TRIM27: variants seen among roughly 807,000 people sequenced by gnomAD.
The protein encoded by TRIM27 is zinc finger protein RFP.
TRIM27 carries 12 observed loss-of-function variants against 57.6 expected under a neutral mutation model. The ratio of observed to expected loss-of-function variants is 0.21; its 90% CI spans 0.13 to 0.34. TRIM27 has a LOEUF of 0.34. Ranked by LOEUF, TRIM27 falls within the 10% of genes least tolerant of loss-of-function variation. The pLI is 1.00. For missense variants in TRIM27, 403 were observed against 656.8 expected, an observed-to-expected ratio of 0.61 and a Z score of 4.22; for synonymous variants, 266 against 259.0, an observed-to-expected ratio of 1.03 and a Z score of -0.26.
At chr6:28,911,537 T>A in intron 4 of TRIM27, 159 bp downstream of exon 4, 1 of 705,560 alleles carries the variant, frequency 1.4e-6, no homozygotes, top group Non-Finnish European at 2.3e-6. Flanking sequence ...AGAGCTGTGG[T>A]TCATCTAATT....
chr6:28,907,341 C>T (rs1423398405), intron 6 of TRIM27, 79 bp from the exon 7 acceptor site: 2 of 1,425,474 alleles, frequency 1.4e-6, no homozygotes, highest in Non-Finnish European at 2.0e-6. Flanking sequence ...TTTGGTTAGT[C>T]ATCATAAAGC....
At chr6:28,912,366 T>G (rs1034970467) in intron 3 of TRIM27, among the ~76,000 whole-genome samples, 4 of 152,116 alleles carry the variant, frequency 2.6e-5, no homozygotes, top group Admixed American at 1.3e-4. Flanking sequence ...CACCTCGGCC[T>G]CTCAAAGTGC....
At chr6:28,912,816 CAT>C (rs1161609128) in intron 3 of TRIM27, among the ~76,000 whole-genome samples, 11 of 152,100 alleles carry the variant, frequency 7.2e-5, no homozygotes, top group Non-Finnish European at 1.2e-4. Context: ...ACGTAACAGA[CAT>C]ATATATTTTG....
chr6:28,914,375 T>A (rs1237609289), intron 3 of TRIM27, among the ~76,000 whole-genome samples: 1 of 151,972 alleles, frequency 6.6e-6, no homozygotes, highest in Non-Finnish European at 1.5e-5. Flanking sequence ...CCTAATGTGA[T>A]CCACCTGCCT....
chr6:28,913,263 A>ATAT (rs1326537574), intron 3 of TRIM27, among the ~76,000 whole-genome samples: 3 of 138,908 alleles, frequency 2.2e-5, no homozygotes, highest in African/African-American at 8.6e-5. Flanking sequence ...CTCAAAAAAA[A>ATAT]AAAAAAATAT....
intron 6 of TRIM27, chr6:28,908,161 G>A (rs1291129638): frequency 1.3e-5 from 2 of 157,172 alleles, no homozygotes; most frequent in African/African-American, 2.4e-5. Context: ...TGCCTAGAAC[G>A]ATTTAATAAA....
chr6:28,907,717 C>T, intron 6 of TRIM27: 1 of 407,418 alleles, frequency 2.5e-6, no homozygotes, highest in African/African-American at 2.0e-5. Flanking sequence ...ATAGTTGAAA[C>T]AGAATTTCTC....
At chr6:28,919,051 T>G (rs1281313466) in intron 3 of TRIM27, among the ~76,000 whole-genome samples, 1 of 151,840 alleles carries the variant, frequency 6.6e-6, no homozygotes, top group Non-Finnish European at 1.5e-5. Context: ...TCTCGCTCTG[T>G]TGCCCAGGCT....
Position 28,903,849 on chromosome 6 carries a change from C to T in TRIM27, c.*221G>A, listed in dbSNP as rs1044502902. The T allele has an allele frequency of 7.1e-6, 4 of 566,782 alleles. No individual in the cohort carries two copies. Among genetic ancestry groups the T allele is most frequent in the African/African-American group, 5.6e-5 (3 of 53,546 alleles). The allele number at this position is 566,782 out of a possible 1,614,324, so 35.1% of individuals were successfully genotyped here. On this transcript the variant is annotated 3_prime_UTR_variant, in exon 8 of 8. Coordinates refer to ENST00000377199, the MANE Select transcript of TRIM27 (RefSeq NM_006510.5). ...AGTATGAAACACTGGAGGTGGACAT[C>T]TGGTTTTTATTTCTAGGATATCTTG...
intron 3 of TRIM27, 31 bp from the exon 4 acceptor site, chr6:28,911,749 A>G: frequency 6.2e-7 from 1 of 1,609,822 alleles, no homozygotes; most frequent in East Asian, 2.2e-5. Context: ...AATAACCATG[A>G]GAAGTCATTT....
chr6:28,907,063 T>C, intron 7 of TRIM27, 173 bp downstream of exon 7: 1 of 589,056 alleles, frequency 1.7e-6, no homozygotes. Flanking sequence ...GAGGCAAAGA[T>C]ACTGTTAACA....
chr6:28,907,703 C>T (rs1437926627), intron 6 of TRIM27: 2 of 419,614 alleles, frequency 4.8e-6, no homozygotes, highest in African/African-American at 2.0e-5. Context: ...TTATAAGGCA[C>T]TTTATAGTTG....
intron 4 of TRIM27, among the ~76,000 whole-genome samples, chr6:28,909,740 T>C (rs1416185151): frequency 1.3e-5 from 2 of 152,148 alleles, no homozygotes; most frequent in Admixed American, 6.5e-5. Context: ...TTCCCAAATA[T>C]GGAAAGAATG....
intron 2 of TRIM27, among the ~76,000 whole-genome samples, chr6:28,921,033 G>A (rs954244726): frequency 2.0e-5 from 3 of 152,000 alleles, no homozygotes; most frequent in African/African-American, 7.3e-5. Context: ...ACTGTCCTTC[G>A]TTCTTCACCC....
rs779956694 is a variant in TRIM27, at chr6:28,915,887, C to CAT, written c.747+4123_747+4124dup. 12 of 152,166 alleles carry CAT rather than the reference C, an allele frequency of 7.9e-5. 1 individual carries two copies. The highest frequency in any genetic ancestry group is 6.5e-5 in the Admixed American group (1 of 15,296). 9.4% of individuals were successfully genotyped at this position (152,166 alleles called of 1,614,324 possible). A position where few individuals can be genotyped will look rare whatever the true frequency, so the allele number is the denominator to read the frequency against. On this transcript the variant is annotated intron_variant, in intron 3 of 7. Transcript: ENST00000377199. ...TCAGCCATAAAGAGAAATACTGAAA[C>CAT]ATATATATATGTACTGAAATATATA...
At chr6:28,912,483 ACT>A (rs1773280849) in intron 3 of TRIM27, among the ~76,000 whole-genome samples, 1 of 151,158 alleles carries the variant, frequency 6.6e-6, no homozygotes, top group East Asian at 2.0e-4. Flanking sequence ...CAAGAGTGAA[ACT>A]CTGTCTCAGG....
chr6:28,923,196 C>T lies in TRIM27; in HGVS notation c.420+17G>A, dbSNP rs368152317. On this transcript the variant is annotated intron_variant, in intron 1 of 7. Coordinates refer to ENST00000377199, the MANE Select transcript of TRIM27 (RefSeq NM_006510.5). ...TGTCCGACTCGCGCTCCCGCCCTCCCGGATCCGCGCCCTCACCTTGAAGCC... is the reference window on the plus strand; with the variant it reads ...TGTCCGACTCGCGCTCCCGCCCTCCTGGATCCGCGCCCTCACCTTGAAGCC... 9 of 1,535,990 alleles carry T rather than the reference C, an allele frequency of 5.9e-6. No homozygotes were observed. Among genetic ancestry groups the T allele is most frequent in the Non-Finnish European group, 7.9e-6 (9 of 1,136,814 alleles).
chr6:28,909,575 C>T (rs929696265), intron 4 of TRIM27, among the ~76,000 whole-genome samples: 2 of 152,216 alleles, frequency 1.3e-5, no homozygotes, highest in Non-Finnish European at 2.9e-5. Context: ...TGTACTCATT[C>T]TCATACCCCC....
At chr6:28,918,022 C>T (rs1382905272) in intron 3 of TRIM27, among the ~76,000 whole-genome samples, 1 of 151,998 alleles carries the variant, frequency 6.6e-6, no homozygotes, top group African/African-American at 2.4e-5. Flanking sequence ...GATGGGGTTT[C>T]TCCATGTTGG....
Sources: gnomAD v4.1 joint callset for allele counts (sites outside exome capture counted in the v4.1 genomes callset) on GRCh38, gnomAD v4.1.1 for gene constraint, MANE v1.5 for transcripts, NCBI Gene and HGNC (gene_info 2026-07-23, HGNC 2026-07-21) for gene names.